RASAL2: variants seen among roughly 807,000 people sequenced by gnomAD.
RASAL2 encodes the protein RAS protein activator like 2.
In RASAL2, 58 loss-of-function variants were observed where a neutral mutation model predicts 128.9. That is an observed-to-expected ratio of 0.45 (90% CI 0.36 to 0.56). The LOEUF is 0.56. RASAL2 is among the 20% of genes least tolerant of loss of function. The pLI is 0.00. For synonymous variants in RASAL2, 561 were observed against 580.8 expected, an observed-to-expected ratio of 0.97 and a Z score of 0.49; for missense variants, 1,360 against 1,601.6, an observed-to-expected ratio of 0.85 and a Z score of 2.57.
At chr1:178,355,268 G>T (rs1328071197) in intron 3 of RASAL2, among the ~76,000 whole-genome samples, 2 of 152,146 alleles carry the variant, frequency 1.3e-5, no homozygotes, top group Non-Finnish European at 2.9e-5. Flanking sequence ...GAGACAAAGT[G>T]GTATTAGTGT....
At chr1:178,301,762 C>A (rs1220742198) in intron 3 of RASAL2, among the ~76,000 whole-genome samples, 5 of 152,084 alleles carry the variant, frequency 3.3e-5, no homozygotes, top group African/African-American at 1.2e-4. Context: ...TTTCTAGGAA[C>A]CTTTCGCTCT....
At chr1:178,140,937 C>G (rs572591023) in intron 1 of RASAL2, among the ~76,000 whole-genome samples, 2 of 152,308 alleles carry the variant, frequency 1.3e-5, no homozygotes, top group African/African-American at 4.8e-5. Flanking sequence ...GCACTGGCAT[C>G]AGATTCTGGT....
chr1:178,153,306 A>C (rs1376725470), intron 1 of RASAL2, among the ~76,000 whole-genome samples: 1 of 152,212 alleles, frequency 6.6e-6, no homozygotes, highest in Non-Finnish European at 1.5e-5. Context: ...CTTTAAAAAA[A>C]TTAGCTTTAT....
chr1:178,173,350 A>T (rs1661770541), intron 1 of RASAL2, among the ~76,000 whole-genome samples: 2 of 152,108 alleles, frequency 1.3e-5, no homozygotes, highest in South Asian at 4.1e-4. Flanking sequence ...TTCCTGAGAT[A>T]ATGGCCTTTG....
intron 1 of RASAL2, among the ~76,000 whole-genome samples, chr1:178,182,425 T>C (rs557786466): frequency 6.6e-6 from 1 of 152,292 alleles, no homozygotes; most frequent in East Asian, 1.9e-4. Context: ...GCACTAGGTA[T>C]GTTTGTTTAT....
intron 1 of RASAL2, among the ~76,000 whole-genome samples, chr1:178,166,928 A>G (rs12094485): frequency 0.035 from 5,341 of 152,186 alleles, 281 homozygotes; most frequent in African/African-American, 0.12. Context: ...ATTAATTTTT[A>G]AAAATCAATT....
At chr1:178,204,228 G>C (rs993959702) in intron 1 of RASAL2, among the ~76,000 whole-genome samples, 1 of 152,172 alleles carries the variant, frequency 6.6e-6, no homozygotes, top group African/African-American at 2.4e-5. Context: ...GTGCGTCTCT[G>C]GTTGTACGAA....
chr1:178,439,709 T>C (rs1676495755), intron 6 of RASAL2, 134 bp downstream of exon 6: 4 of 786,444 alleles, frequency 5.1e-6, no homozygotes, highest in Non-Finnish European at 7.5e-6. Flanking sequence ...AATTATCTAC[T>C]TACAGAGAAA....
At chr1:178,334,778 T>C (rs1202020350) in intron 3 of RASAL2, among the ~76,000 whole-genome samples, 2 of 152,136 alleles carry the variant, frequency 1.3e-5, no homozygotes, top group African/African-American at 4.8e-5. Context: ...GCCAACATGG[T>C]GAAATCCCTT....
intron 1 of RASAL2, among the ~76,000 whole-genome samples, chr1:178,147,745 G>C (rs1031393060): frequency 3.9e-5 from 6 of 152,088 alleles, no homozygotes; most frequent in African/African-American, 1.4e-4. Flanking sequence ...AAATTTATGT[G>C]GATTTCAATT....
intron 3 of RASAL2, among the ~76,000 whole-genome samples, chr1:178,307,459 C>T (rs1668051174): frequency 1.3e-5 from 2 of 152,080 alleles, no homozygotes; most frequent in African/African-American, 2.4e-5. Flanking sequence ...CAAAGCATGA[C>T]TTGCTGAATT....
chr1:178,114,678 C>T (rs1308653053), intron 1 of RASAL2, among the ~76,000 whole-genome samples: 7 of 152,080 alleles, frequency 4.6e-5, no homozygotes, highest in African/African-American at 7.2e-5. Flanking sequence ...CCCACCACCA[C>T]GCCCGGCTAA....
At chr1:178,136,855 A>C (rs1660345976) in intron 1 of RASAL2, among the ~76,000 whole-genome samples, 1 of 150,826 alleles carries the variant, frequency 6.6e-6, no homozygotes, top group Non-Finnish European at 1.5e-5. Context: ...TGAAACATAA[A>C]GGTCTAGTCC....
intron 1 of RASAL2, among the ~76,000 whole-genome samples, chr1:178,229,513 A>C (rs1337178800): frequency 2.0e-5 from 3 of 150,750 alleles, no homozygotes; most frequent in Non-Finnish European, 3.0e-5. Context: ...TACCAGTCTG[A>C]TTTTGCTCAT....
rs531439932 is a variant in RASAL2 at position 178,395,472 on chromosome 1, C to T, written c.564+5266C>T. ...CTGTTAGTTGCCCTTCTGTGTTTGCCACAATCAGTTCAGATGACCAATGTA... is the reference window on the plus strand; with the variant it reads ...CTGTTAGTTGCCCTTCTGTGTTTGCTACAATCAGTTCAGATGACCAATGTA... On this transcript the variant is annotated intron_variant, in intron 4 of 17. Coordinates refer to ENST00000367649, the MANE Select transcript of RASAL2 (RefSeq NM_170692.4). Among the ~76,000 whole-genome samples, 4 of 152,186 alleles carry T rather than the reference C, an allele frequency of 2.6e-5. No homozygotes were observed. The East Asian group carries it at 5.8e-4, about 22-fold the overall frequency.
chr1:178,344,977 A>G (rs1039122632), intron 3 of RASAL2, among the ~76,000 whole-genome samples: 2 of 152,180 alleles, frequency 1.3e-5, no homozygotes, highest in African/African-American at 4.8e-5. Flanking sequence ...AAGCAATGCC[A>G]CTCAGAATAC....
intron 1 of RASAL2, among the ~76,000 whole-genome samples, chr1:178,196,442 T>C (rs1318821646): frequency 6.6e-6 from 1 of 152,220 alleles, no homozygotes; most frequent in Admixed American, 6.5e-5. Context: ...TCTGTATCCA[T>C]GGGTTCCTCA....
chr1:178,212,439 G>A (rs530465475), intron 1 of RASAL2, among the ~76,000 whole-genome samples: 5 of 152,260 alleles, frequency 3.3e-5, no homozygotes, highest in Middle Eastern at 6.8e-3. Flanking sequence ...GGTAAGAGGC[G>A]GCAGTATAAT....
At chr1:178,469,791 T>C (rs1270640537) in intron 17 of RASAL2, among the ~76,000 whole-genome samples, 1 of 152,170 alleles carries the variant, frequency 6.6e-6, no homozygotes, top group Non-Finnish European at 1.5e-5. Context: ...ATGAATCAAA[T>C]CATACTGGGA....
Sources: allele counts gnomAD v4.1 joint callset (sites outside exome capture counted in the v4.1 genomes callset), GRCh38; gene constraint gnomAD v4.1.1; transcripts MANE v1.5; gene names NCBI Gene and HGNC (gene_info 2026-07-23, HGNC 2026-07-21).